SVEP1: variants seen among roughly 807,000 people sequenced by gnomAD.
The protein encoded by SVEP1 is sushi, von Willebrand factor type A, EGF and pentraxin domain-containing protein 1.
In SVEP1, 164 loss-of-function variants were observed where a neutral mutation model predicts 367.3. The ratio of observed to expected loss-of-function variants is 0.45; its 90% CI spans 0.39 to 0.51. The LOEUF (loss-of-function observed/expected upper bound fraction) is 0.51, where lower values mean the gene tolerates loss of function less well. SVEP1 is among the 20% of genes least tolerant of loss of function. The pLI is 0.00. For missense variants in SVEP1, 4,117 were observed against 4,425.3 expected (o/e 0.93, Z 1.98); for synonymous variants, 1,666 against 1,611.6 (o/e 1.03, Z -0.81).
chr9:110,402,627 T>C (rs978655291), intron 39 of SVEP1, among the ~76,000 whole-genome samples: 1 of 152,108 alleles, frequency 6.6e-6, no homozygotes, highest in African/African-American at 2.4e-5. Context: ...TTAGCCAGTA[T>C]CACAGAGTTC....
chr9:110,512,761 G>T lies in SVEP1; in HGVS notation c.1303+165C>A, dbSNP rs558714783. The T allele has an allele frequency of 3.4e-5, 28 of 826,298 alleles. No homozygotes were observed. The East Asian group carries it at 7.2e-4, about 21-fold the overall frequency. 51.2% of individuals were successfully genotyped at this position (826,298 alleles called of 1,614,324 possible). A position where few individuals can be genotyped will look rare whatever the true frequency, so the allele number is the denominator to read the frequency against. ...GTAGTTTACAATTATGTGGTCAATT[G>T]AACTTGGTAATTCTGATTTCAAATT... On this transcript the variant is annotated intron_variant, in intron 5 of 47. Coordinates refer to ENST00000374469, the MANE Select transcript of SVEP1 (RefSeq NM_153366.4).
Position 110,404,486 on chromosome 9 carries a change from C to T in SVEP1, c.9507G>A (p.Trp3169Ter). The change falls in exon 39 of 48, where the codon TGG becomes TGA. Residue 3169 changes from tryptophan to a stop codon, truncating the protein, a stop_gained. Coordinates refer to ENST00000374469, the MANE Select transcript of SVEP1 (RefSeq NM_153366.4). LOFTEE classifies it high-confidence loss of function. ...DTFTCQKDGR[W>*]FPERISCSPK... ...GACTGCAGGAGATTCTCTCAGGGAACCAGCGACCATCTTTCTGACAGGTGA... is the reference window on the plus strand; with the variant it reads ...GACTGCAGGAGATTCTCTCAGGGAATCAGCGACCATCTTTCTGACAGGTGA... The T allele has an allele frequency of 6.2e-7, 1 of 1,613,930 alleles. No homozygotes were observed.
chr9:110,454,723 C>G (rs762215278), intron 22 of SVEP1, among the ~76,000 whole-genome samples: 3 of 152,180 alleles, frequency 2.0e-5, no homozygotes, highest in Non-Finnish European at 4.4e-5. Flanking sequence ...AAGCCAAATA[C>G]TGCATGTTCT....
At chr9:110,575,899 C>T (rs1359069298) in intron 1 of SVEP1, among the ~76,000 whole-genome samples, 1 of 152,058 alleles carries the variant, frequency 6.6e-6, no homozygotes, top group Non-Finnish European at 1.5e-5. Context: ...TATTCAGCCT[C>T]ACTAATAGGG....
At chr9:110,380,611 T>C (rs1827419936) in intron 43 of SVEP1, among the ~76,000 whole-genome samples, 1 of 152,192 alleles carries the variant, frequency 6.6e-6, no homozygotes, top group South Asian at 2.1e-4. Context: ...TTATTGAGGA[T>C]TTTTGTATTG....
intron 24 of SVEP1, among the ~76,000 whole-genome samples, chr9:110,449,307 CAT>C (rs1275196193): frequency 6.6e-6 from 1 of 151,980 alleles, no homozygotes; most frequent in East Asian, 1.9e-4. Context: ...TTTTTACATT[CAT>C]GTTAGATTTC....
chr9:110,391,287 T>C (rs78469589), intron 40 of SVEP1, among the ~76,000 whole-genome samples: 2 of 150,964 alleles, frequency 1.3e-5, no homozygotes, highest in East Asian at 3.9e-4. Context: ...TTTTTTTTTT[T>C]TGAGACAGAG....
In SVEP1 at chr9:110,511,182, AT is replaced by A. The variant is rs528056105; in HGVS notation, c.1303+1743del. Among the ~76,000 whole-genome samples, 8 of 151,940 alleles carry A rather than the reference AT, an allele frequency of 5.3e-5. No homozygotes were observed. In the East Asian group the frequency reaches 1.2e-3, roughly 22 times the overall value. ...TTCCCGACATAAATCTGTTTTTAAT[AT>A]TTTTTTTGTGGCACTTACTAAGTGA... is the stretch of plus-strand genomic sequence containing the variant. On this transcript the variant is annotated intron_variant, in intron 5 of 47. Coordinates refer to ENST00000374469, the MANE Select transcript of SVEP1 (RefSeq NM_153366.4).
At chr9:110,380,255 T>A (rs1214794403) in intron 43 of SVEP1, among the ~76,000 whole-genome samples, 2 of 152,226 alleles carry the variant, frequency 1.3e-5, no homozygotes, top group Non-Finnish European at 2.9e-5. Flanking sequence ...AGAATTATTC[T>A]GTGGTGGGCA....
chr9:110,385,366 T>G (rs948953467), intron 43 of SVEP1, among the ~76,000 whole-genome samples: 5 of 152,204 alleles, frequency 3.3e-5, no homozygotes, highest in African/African-American at 1.2e-4. Flanking sequence ...GCCTCCAGAT[T>G]GCATAAATGG....
chr9:110,561,137 A>C (rs573490929), intron 1 of SVEP1, among the ~76,000 whole-genome samples: 2 of 152,022 alleles, frequency 1.3e-5, no homozygotes, highest in Admixed American at 1.3e-4. Flanking sequence ...TAGCTACACC[A>C]ATCCATTTGG....
intron 8 of SVEP1, among the ~76,000 whole-genome samples, chr9:110,494,061 A>G (rs1395490011): frequency 6.6e-6 from 1 of 152,220 alleles, no homozygotes; most frequent in African/African-American, 2.4e-5. Flanking sequence ...TTAAGGACTC[A>G]TGTGATTAAG....
At position 110,445,868 on chromosome 9, in the gene SVEP1, C is replaced by T. The variant is rs1364545097; in HGVS notation, c.4432G>A (p.Asp1478Asn). The T allele has an allele frequency of 5.0e-6, 8 of 1,613,778 alleles. No homozygotes were observed. Among genetic ancestry groups the T allele is most frequent in the Admixed American group, 3.3e-5 (2 of 59,996 alleles). The change falls in exon 26 of 48, where the codon GAC (aspartate) becomes AAC (asparagine). Residue 1478 changes from aspartate to asparagine, a missense_variant. By Grantham distance (23) the Asp-to-Asn change is conservative. Coordinates refer to ENST00000374469, the MANE Select transcript of SVEP1 (RefSeq NM_153366.4). ...TAATCAGTCAGGAGCAAGGTATTGT[C>T]GCTGCCGTTATCAACTGCATAGGAG... ...PISYAVDNGS[D>N]NTLLLTDYNG...
rs144036292 is a variant in SVEP1, at chr9:110,546,477, G to A, written c.788-186C>T. ...TTGTACTAGCGCGCTCTGGGAATTC[G>A]TTGAAGCCAGTTAAGTTATTCCAGT... On this transcript the variant is annotated intron_variant, in intron 2 of 47. Coordinates refer to ENST00000374469, the MANE Select transcript of SVEP1 (RefSeq NM_153366.4). Among the ~76,000 whole-genome samples the A allele has an allele frequency of 4.4e-4, 67 of 152,220 alleles. No homozygotes were observed. In the East Asian group the frequency reaches 4.8e-3, roughly 11 times the overall value.
At chr9:110,574,832 G>A (rs1316265568) in intron 1 of SVEP1, among the ~76,000 whole-genome samples, 2 of 136,830 alleles carry the variant, frequency 1.5e-5, no homozygotes, top group East Asian at 2.3e-4. Context: ...GGCAAGCTCC[G>A]CCTCCCGGGT....
chr9:110,407,758 G>T lies in SVEP1; in HGVS notation c.7842C>A (p.Gly2614=). 1.9e-6 allele frequency: 3 copies of T among 1,613,962 alleles called. No homozygotes were observed. Among genetic ancestry groups the T allele is most frequent in the Non-Finnish European group, 2.5e-6 (3 of 1,179,876 alleles). ...SIPTCMPIDC[G]LPPHIDFGDC... is the part of the protein sequence containing the mutation. ...CTCCAAAATCTATATGAGGAGGGAG[G>T]CCACAGTCTATTGGCATACATGTTG... The change falls in exon 38 of 48, where the codon GGC becomes GGA. Residue 2614 remains glycine, a synonymous_variant. Transcript: ENST00000374469.
At chr9:110,402,446 T>C (rs1413693779) in intron 39 of SVEP1, among the ~76,000 whole-genome samples, 1 of 152,278 alleles carries the variant, frequency 6.6e-6, no homozygotes, top group East Asian at 1.9e-4. Flanking sequence ...GTGCTGAACA[T>C]AGTTTTACAC....
chr9:110,376,306 T>TG (rs1272197380), intron 45 of SVEP1, among the ~76,000 whole-genome samples: 2 of 152,174 alleles, frequency 1.3e-5, no homozygotes, highest in African/African-American at 4.8e-5. Context: ...AGACCTGTCG[T>TG]GGGGTACCCC....
At chr9:110,386,648 G>A (rs367658903) in intron 42 of SVEP1, among the ~76,000 whole-genome samples, 13 of 152,142 alleles carry the variant, frequency 8.5e-5, no homozygotes, top group African/African-American at 2.9e-4. Flanking sequence ...TAGGCCCGAG[G>A]GAAACACAGG....
Sources: allele counts gnomAD v4.1 joint callset (sites outside exome capture counted in the v4.1 genomes callset), GRCh38; gene constraint gnomAD v4.1.1; transcripts MANE v1.5; gene names NCBI Gene and HGNC (gene_info 2026-07-23, HGNC 2026-07-21).